STX4: variants seen among roughly 807,000 people sequenced by gnomAD.
The protein encoded by STX4 is syntaxin-4.
Under a neutral mutation model 41.8 loss-of-function variants are expected in STX4, and 24 were observed. The ratio of observed to expected loss-of-function variants is 0.57; its 90% CI spans 0.42 to 0.81. STX4 has a LOEUF of 0.81. Ranked by LOEUF, STX4 falls within the 30% of genes least tolerant of loss-of-function variation. The pLI, the probability that STX4 is intolerant of heterozygous loss-of-function variation, is 0.00. For missense variants in STX4, 316 were observed against 389.9 expected (o/e 0.81, Z 1.60); for synonymous variants, 158 against 156.4 (o/e 1.01, Z -0.08).
chr16:31,033,678 G>T lies in STX4; in HGVS notation c.-128G>T. On this transcript the variant is annotated 5_prime_UTR_variant, in exon 1 of 11. Transcript: ENST00000313843. This position sits in a 1 kb window ranked among gnomAD's most constrained non-coding sequence, Gnocchi z 5.5. Reference sequence around the variant, plus strand: ...GGGCGGTGCAAGGGACGGAGCCTCTGGCGGCTCGTGGGGGTGTTGGGGTCC... The same window carrying T: ...GGGCGGTGCAAGGGACGGAGCCTCTTGCGGCTCGTGGGGGTGTTGGGGTCC... The T allele has an allele frequency of 6.9e-7, 1 of 1,448,208 alleles. No homozygotes were observed. The highest frequency in any genetic ancestry group is 9.1e-7 in the Non-Finnish European group (1 of 1,103,436). The allele number at this position is 1,448,208 out of a possible 1,614,324, so 89.7% of individuals were successfully genotyped here.
intron 5 of STX4, among the ~76,000 whole-genome samples, chr16:31,036,919 T>G (rs1311086125): frequency 6.6e-6 from 1 of 151,426 alleles, no homozygotes; most frequent in African/African-American, 2.4e-5. Flanking sequence ...ATCAGAGAGG[T>G]CATGGGAGAA....
At chr16:31,033,229 C>G (rs1276048847), upstream of STX4, 4 of 652,076 alleles carry the variant, frequency 6.1e-6, no homozygotes, top group Non-Finnish European at 1.2e-5. The surrounding 1 kb of genome is among the most constrained non-coding windows in gnomAD (Gnocchi z 5.5). Flanking sequence ...ACGGCGGTGA[C>G]AGAGCCGGGA....
At chr16:31,038,964 G>A (rs117744694) in intron 8 of STX4, 6,978 of 323,998 alleles carry the variant, frequency 0.022, 104 homozygotes, top group Non-Finnish European at 0.031. Flanking sequence ...AGTCAGAGTT[G>A]CCCTAGAGGG....
intron 5 of STX4, among the ~76,000 whole-genome samples, chr16:31,037,663 A>C (rs2143724149): frequency 7.0e-6 from 1 of 143,036 alleles, no homozygotes; most frequent in South Asian, 2.1e-4. Context: ...TCTGTCTCAA[A>C]AAACAAATAA....
In STX4 at chr16:31,034,260, G is replaced by C. The variant is rs1454923298; in HGVS notation, c.167G>C (p.Gly56Ala). 1.9e-6 allele frequency: 3 copies of C among 1,614,158 alleles called. No homozygotes were observed. The highest frequency in any genetic ancestry group is 8.5e-7 in the Non-Finnish European group (1 of 1,180,026). The change falls in exon 3 of 11, where the codon GGG (glycine) becomes GCG (alanine). Residue 56 changes from glycine (G) to alanine (A), a missense_variant. By Grantham distance (60) the Gly-to-Ala change is moderately conservative. Transcript: ENST00000313843. The part of the protein sequence containing the change: ...RTIRQTIVKL[G>A]NKVQELEKQQ... ...ATTCGGCAGACTATTGTCAAACTGG[G>C]GAATAAAGTCCAGGAGTTGGAGAAA...
Position 31,034,342 on chromosome 16 carries a change from C to T in STX4, c.232+17C>T, listed in dbSNP as rs932816675. On this transcript the variant is annotated intron_variant, in intron 3 of 10. Transcript: ENST00000313843. ...CCGAGGAGAGTGAGTGAAACCCCGG[C>T]TGCAGGGCGCATGCTCCGCCCCAGG... 2.5e-6 allele frequency: 4 copies of T among 1,613,714 alleles called. No individual in the cohort carries two copies. The African/African-American group carries it at 4.0e-5, about 16-fold the overall frequency.
chr16:31,035,271 G>A (rs1265905465), intron 5 of STX4, among the ~76,000 whole-genome samples: 1 of 152,186 alleles, frequency 6.6e-6, no homozygotes, highest in Non-Finnish European at 1.5e-5. Context: ...CCATTCAATA[G>A]GAAGTTACTG....
At chr16:31,038,329 AC>A (rs2056818896) in intron 7 of STX4, 139 bp downstream of exon 7, 1 of 1,327,760 alleles carries the variant, frequency 7.5e-7, no homozygotes, top group South Asian at 1.3e-5. Context: ...AAGCCACTGC[AC>A]CCCGCTTGCT....
rs764760311 is a variant in STX4, at chr16:31,033,777, G to A, written c.-29G>A. On this transcript the variant is annotated 5_prime_UTR_variant, in exon 1 of 11. Coordinates refer to ENST00000313843, the MANE Select transcript of STX4 (RefSeq NM_004604.5). The surrounding 1 kb of genome is among the most constrained non-coding windows in gnomAD (Gnocchi z 5.5). ...CCAAATTTGAGGGCCTCCCGGCTCT[G>A]GCGCCGGGGAGGGAGAGCTCAGGCC... The A allele has an allele frequency of 2.1e-6, 3 of 1,451,798 alleles. No homozygotes were observed. Among genetic ancestry groups the A allele is most frequent in the Non-Finnish European group, 2.7e-6 (3 of 1,100,188 alleles). 89.9% of individuals were successfully genotyped at this position (1,451,798 alleles called of 1,614,324 possible).
In STX4 at chr16:31,039,779, C is replaced by T; in HGVS notation, c.870C>T (p.Ile290=). Residue 290 remains isoleucine, a synonymous_variant, in exon 10 of 11, where the codon ATC becomes ATT. Coordinates refer to ENST00000313843, the MANE Select transcript of STX4 (RefSeq NM_004604.5). This position sits in a 1 kb window ranked among gnomAD's most constrained non-coding sequence, Gnocchi z 4.1. The part of the protein sequence containing the change: ...VSITVVLLAV[I]IGVTVVG ...TCACCGTCGTCCTCCTAGCAGTCATCATTGGCGTCACAGTGGTTGGATAAT... is the reference window on the plus strand; with the variant it reads ...TCACCGTCGTCCTCCTAGCAGTCATTATTGGCGTCACAGTGGTTGGATAAT... The T allele has an allele frequency of 6.2e-7, 1 of 1,614,216 alleles. No individual in the cohort carries two copies. Among genetic ancestry groups the T allele is most frequent in the Non-Finnish European group, 8.5e-7 (1 of 1,180,022 alleles).
chr16:31,033,547 G>C (rs1366733342), upstream of STX4: 3 of 1,548,572 alleles, frequency 1.9e-6, no homozygotes, highest in Non-Finnish European at 2.6e-6. The surrounding 1 kb of genome is among the most constrained non-coding windows in gnomAD (Gnocchi z 5.5). Context: ...AATTTATCAC[G>C]GAGGGGCGGG....
At chr16:31,035,666 A>G (rs1440542866) in intron 5 of STX4, 1 of 152,208 alleles carries the variant, frequency 6.6e-6, no homozygotes, top group Non-Finnish European at 1.5e-5. Flanking sequence ...CAGGTTTCCT[A>G]TCTATGTGAC....
rs1358599836 is a variant in STX4 at position 31,039,711 on chromosome 16, C to T, written c.814-12C>T. 6.2e-7 allele frequency: 1 copy of T among 1,614,226 alleles called. No individual in the cohort carries two copies. The highest frequency in any genetic ancestry group is 2.2e-5 in the East Asian group (1 of 44,890). On this transcript the variant is annotated splice_polypyrimidine_tract_variant and intron_variant, in intron 9 of 10. Transcript: ENST00000313843. The surrounding 1 kb of genome is among the most constrained non-coding windows in gnomAD (Gnocchi z 4.1). ...CCCTGTGTGACTTCCCTGACCCCCT[C>T]CTCTCCCACAGAAGAAAGTCTTGAT...
intron 4 of STX4, 157 bp downstream of exon 4, chr16:31,034,693 T>A: frequency 1.2e-6 from 1 of 839,878 alleles, no homozygotes; most frequent in Non-Finnish European, 1.8e-6. Context: ...GCCATTGTAC[T>A]CTCCACAGCA....
In STX4 at chr16:31,037,925, G is replaced by A. The variant is rs1596737969; in HGVS notation, c.379-1G>A. On this transcript the variant is annotated splice_acceptor_variant, in intron 5 of 10. Coordinates refer to ENST00000313843, the MANE Select transcript of STX4 (RefSeq NM_004604.5). LOFTEE classifies it high-confidence loss of function. Reference sequence around the variant, plus strand: ...ACTCAGCCTATATTCTTCATCTTTAGCATGGGGTCCTGTCCCAGCAATTCG... The same window carrying A: ...ACTCAGCCTATATTCTTCATCTTTAACATGGGGTCCTGTCCCAGCAATTCG... 6.2e-7 allele frequency: 1 copy of A among 1,614,016 alleles called. No homozygotes were observed. Among genetic ancestry groups the A allele is most frequent in the Non-Finnish European group, 8.5e-7 (1 of 1,179,960 alleles).
At chr16:31,033,393 T>C, upstream of STX4, 1 of 1,224,748 alleles carries the variant, frequency 8.2e-7, no homozygotes, top group Non-Finnish European at 1.2e-6. This position sits in a 1 kb window ranked among gnomAD's most constrained non-coding sequence, Gnocchi z 5.5. Context: ...CAACCAGATT[T>C]CCGTTGGAAG....
chr16:31,038,123 G>A lies in STX4; in HGVS notation c.497G>A (p.Gly166Glu). ...GCCTTTTCCTTCACAGCCAATGCTG[G>A]GATGGTGTCTGATGAGGAGTTGGAG... ...IRRQLKITNA[G>E]MVSDEELEQM... Residue 166 changes from glycine (G) to glutamate (E), a missense_variant, in exon 7 of 11, where the codon GGG becomes GAG. Gly to Glu is a moderately conservative substitution (Grantham distance 98, BLOSUM62 -2). Coordinates refer to ENST00000313843, the MANE Select transcript of STX4 (RefSeq NM_004604.5). 1 of 1,614,154 alleles carries A rather than the reference G, an allele frequency of 6.2e-7. No homozygotes were observed. The highest frequency in any genetic ancestry group is 8.5e-7 in the Non-Finnish European group (1 of 1,180,024).
In STX4 at chr16:31,033,616, G is replaced by C; in HGVS notation, c.-190G>C. On this transcript the variant is annotated 5_prime_UTR_variant, in exon 1 of 11. Transcript: ENST00000313843. The surrounding 1 kb of genome is among the most constrained non-coding windows in gnomAD (Gnocchi z 5.5). Reference sequence around the variant, plus strand: ...AGGGAATTCCAACCTGTGGAACCTTGGGGGGTCCCCGGGGTCGGCGCCTTC... The same window carrying C: ...AGGGAATTCCAACCTGTGGAACCTTCGGGGGTCCCCGGGGTCGGCGCCTTC... 1 of 1,489,424 alleles carries C rather than the reference G, an allele frequency of 6.7e-7. No individual in the cohort carries two copies. The highest frequency in any genetic ancestry group is 8.9e-7 in the Non-Finnish European group (1 of 1,119,400). The allele number at this position is 1,489,424 out of a possible 1,614,324, so 92.3% of individuals were successfully genotyped here. A position where few individuals can be genotyped will look rare whatever the true frequency, so the allele number is the denominator to read the frequency against.
Position 31,033,992 on chromosome 16 carries a change from C to T in STX4, c.31-21C>T. The T allele has an allele frequency of 6.4e-7, 1 of 1,559,660 alleles. No individual in the cohort carries two copies. Among genetic ancestry groups the T allele is most frequent in the Non-Finnish European group, 8.7e-7 (1 of 1,150,350 alleles). Reference sequence around the variant, plus strand: ...AAGAGCCGCAGCGAAACGGTGGTGCCAATGACTCCGGGCCTGGCAGGGGGA... The same window carrying T: ...AAGAGCCGCAGCGAAACGGTGGTGCTAATGACTCCGGGCCTGGCAGGGGGA... On this transcript the variant is annotated intron_variant, in intron 1 of 10. Coordinates refer to ENST00000313843, the MANE Select transcript of STX4 (RefSeq NM_004604.5). The surrounding 1 kb of genome is among the most constrained non-coding windows in gnomAD (Gnocchi z 5.5).
Sources: gnomAD v4.1 joint callset for allele counts (sites outside exome capture counted in the v4.1 genomes callset) on GRCh38, gnomAD v4.1.1 for gene constraint, Gnocchi (gnomAD v3.1) non-coding constraint, MANE v1.5 for transcripts, NCBI Gene and HGNC (gene_info 2026-07-23, HGNC 2026-07-21) for gene names.